The following CATSPERT variants were observed in gnomAD, a reference collection of about 807,000 sequenced individuals.
The protein encoded by CATSPERT is cation channel sperm-associated targeting subunit tau.
chr2:201,610,053 A>G, the CATSPERT span, among the ~76,000 whole-genome samples: 3 of 152,232 alleles, frequency 2.0e-5, no homozygotes, highest in Non-Finnish European at 4.4e-5. Context: ...TGGAAAACTC[A>G]GAAGAAATGG....
chr2:201,580,135 T>C, the CATSPERT span, among the ~76,000 whole-genome samples: 1 of 152,330 alleles, frequency 6.6e-6, no homozygotes, highest in African/African-American at 2.4e-5. Flanking sequence ...CCTGAGCCAC[T>C]GCACCCAGCC....
the CATSPERT span, among the ~76,000 whole-genome samples, chr2:201,614,278 A>T: frequency 0.98 from 149,539 of 152,282 alleles, 73,468 homozygotes; most frequent in East Asian, 1. Flanking sequence ...AAAGTTGAAA[A>T]GTAGGAAAAA....
the CATSPERT span, among the ~76,000 whole-genome samples, chr2:201,527,147 A>G: frequency 7.3e-5 from 7 of 95,484 alleles, no homozygotes; most frequent in Admixed American, 8.6e-4. Flanking sequence ...CAAGAACACA[A>G]TCCCATTCAC....
the CATSPERT span, among the ~76,000 whole-genome samples, chr2:201,563,118 G>A: frequency 2.2e-5 from 3 of 138,320 alleles, no homozygotes; most frequent in Admixed American, 1.5e-4. Context: ...CTCACCTCCC[G>A]GATGGGGCGG....
the CATSPERT span, among the ~76,000 whole-genome samples, chr2:201,611,061 A>G: frequency 1.3e-5 from 2 of 152,210 alleles, no homozygotes; most frequent in Admixed American, 6.5e-5. Flanking sequence ...AAGAACTAGA[A>G]TAAGACAAGA....
At chr2:201,520,271 A>C in the CATSPERT span, among the ~76,000 whole-genome samples, 1 of 152,344 alleles carries the variant, frequency 6.6e-6, no homozygotes, top group African/African-American at 2.4e-5. Flanking sequence ...CCTAGAAAGA[A>C]AATCAAAAAG....
the CATSPERT span, chr2:201,545,737 T>C: frequency 5.6e-5 from 31 of 557,880 alleles, no homozygotes; most frequent in South Asian, 1.7e-3. Context: ...ACAATACACC[T>C]TCCTCCACAC....
the CATSPERT span, among the ~76,000 whole-genome samples, chr2:201,562,931 C>T: frequency 4.1e-5 from 6 of 145,006 alleles, no homozygotes; most frequent in Admixed American, 2.8e-4. Context: ...ACACAGACAC[C>T]GCAACCATCC....
At chr2:201,497,400 AAC>A in the CATSPERT span, among the ~76,000 whole-genome samples, 1 of 152,198 alleles carries the variant, frequency 6.6e-6, no homozygotes, top group African/African-American at 2.4e-5. Context: ...ATCTCTCTTA[AAC>A]ACAGTTTACG....
the CATSPERT span, chr2:201,549,752 T>A: frequency 6.6e-6 from 1 of 152,194 alleles, no homozygotes; most frequent in Admixed American, 6.5e-5. Context: ...TCCTTTATGT[T>A]ATTTCATTAA....
chr2:201,604,746 T>C, the CATSPERT span: 11 of 1,355,636 alleles, frequency 8.1e-6, no homozygotes, highest in Admixed American at 2.0e-5. Context: ...CAAACATAAC[T>C]AGATGAAACA....
chr2:201,586,191 A>G, the CATSPERT span, among the ~76,000 whole-genome samples: 2 of 152,138 alleles, frequency 1.3e-5, no homozygotes, highest in African/African-American at 4.8e-5. Context: ...TGTGTCGATC[A>G]ACTGTTTATG....
chr2:201,494,229 C>T, the CATSPERT span: 2 of 1,536,244 alleles, frequency 1.3e-6, no homozygotes, highest in African/African-American at 2.7e-5. Context: ...AACTACTTTT[C>T]TCTCTTGCTT....
the CATSPERT span, among the ~76,000 whole-genome samples, chr2:201,600,129 A>G: frequency 6.6e-6 from 1 of 152,048 alleles, no homozygotes; most frequent in Non-Finnish European, 1.5e-5. Context: ...ATAAAGACAC[A>G]TACACACGTA....
chr2:201,590,206 A>T, the CATSPERT span, among the ~76,000 whole-genome samples: 2 of 151,330 alleles, frequency 1.3e-5, no homozygotes. Flanking sequence ...TCATTGTTCA[A>T]TTCCCACCTA....
At chr2:201,505,380 C>T in the CATSPERT span, among the ~76,000 whole-genome samples, 2 of 152,090 alleles carry the variant, frequency 1.3e-5, no homozygotes, top group African/African-American at 2.4e-5. Flanking sequence ...TGCACCCGGC[C>T]CCCAGAAGGT....
chr2:201,536,141 T>G, the CATSPERT span: 1 of 1,613,606 alleles, frequency 6.2e-7, no homozygotes, highest in Non-Finnish European at 8.5e-7. Flanking sequence ...GACGTTCACC[T>G]AAAGGTGGTA....
chr2:201,592,275 G>A, the CATSPERT span, among the ~76,000 whole-genome samples: 2 of 148,526 alleles, frequency 1.3e-5, no homozygotes, highest in Non-Finnish European at 3.0e-5. Flanking sequence ...TTATATGCTG[G>A]ATTACATTTA....
chr2:201,542,172 C>CAAA, the CATSPERT span, among the ~76,000 whole-genome samples: 1 of 151,252 alleles, frequency 6.6e-6, no homozygotes, highest in African/African-American at 2.4e-5. Context: ...CCCTAGGAAA[C>CAAA]AAAAAAAAAT....
Sources: gnomAD v4.1 joint callset for allele counts (sites outside exome capture counted in the v4.1 genomes callset) on GRCh38, gnomAD v4.1.1 for gene constraint, MANE v1.5 for transcripts, NCBI Gene and HGNC (gene_info 2026-07-23, HGNC 2026-07-21) for gene names.